The following PKP2 variants were observed in gnomAD, a reference collection of about 807,000 sequenced individuals.
PKP2 encodes the protein plakophilin-2.
PKP2 carries 73 observed loss-of-function variants against 83.4 expected under a neutral mutation model. The observed-to-expected ratio is 0.88, with a 90% confidence interval of 0.72 to 1.06. The LOEUF (loss-of-function observed/expected upper bound fraction) is 1.06, where lower values mean the gene tolerates loss of function less well. Among genes scored for constraint, PKP2 ranks in the 50% least tolerant of loss-of-function variants. The pLI is 0.00. For missense variants in PKP2, 966 were observed against 1,065.4 expected (o/e 0.91, Z 1.30); for synonymous variants, 409 against 430.4 (o/e 0.95, Z 0.62).
chr12:32,879,354 G>A (rs929206426), intron 1 of PKP2, among the ~76,000 whole-genome samples: 13 of 152,088 alleles, frequency 8.5e-5, no homozygotes, highest in African/African-American at 2.9e-4. Context: ...CCAACATGGC[G>A]AAACCCATCT....
intron 9 of PKP2, among the ~76,000 whole-genome samples, chr12:32,803,295 C>T (rs2137727699): frequency 6.6e-6 from 1 of 152,260 alleles, no homozygotes; most frequent in South Asian, 2.1e-4. Context: ...ATCGCTTGAA[C>T]CTGGGAGACA....
intron 6 of PKP2, among the ~76,000 whole-genome samples, chr12:32,840,482 G>A (rs1005688517): frequency 2.6e-5 from 4 of 151,646 alleles, no homozygotes; most frequent in African/African-American, 9.7e-5. Context: ...ATTTTTTTGT[G>A]GAGACAGGGT....
intron 5 of PKP2, among the ~76,000 whole-genome samples, chr12:32,848,453 C>T (rs1053186658): frequency 1.3e-5 from 2 of 152,020 alleles, no homozygotes; most frequent in Non-Finnish European, 2.9e-5. Flanking sequence ...GAGAGAGTAG[C>T]ATGGTACCTC....
chr12:32,843,497 G>T (rs1956619523), intron 5 of PKP2, among the ~76,000 whole-genome samples: 1 of 152,192 alleles, frequency 6.6e-6, no homozygotes, highest in East Asian at 1.9e-4. Context: ...GAACACATTA[G>T]GCTTCATGCA....
intron 1 of PKP2, among the ~76,000 whole-genome samples, chr12:32,885,255 C>G (rs558363158): frequency 1.3e-5 from 2 of 152,162 alleles, no homozygotes; most frequent in Non-Finnish European, 2.9e-5. Context: ...TCTGAGTGTT[C>G]ATTGGAATGA....
intron 9 of PKP2, among the ~76,000 whole-genome samples, chr12:32,804,196 A>G (rs1592730257): frequency 6.6e-6 from 1 of 152,310 alleles, no homozygotes; most frequent in East Asian, 1.9e-4. Context: ...ATGAAAAGCA[A>G]TTGAGGGACC....
At chr12:32,849,825 T>C (rs1251057971) in intron 5 of PKP2, among the ~76,000 whole-genome samples, 1 of 152,232 alleles carries the variant, frequency 6.6e-6, no homozygotes, top group Non-Finnish European at 1.5e-5. Context: ...AGTTACTCTT[T>C]TCTTCTTTAA....
chr12:32,838,028 C>T (rs138230114), intron 6 of PKP2, among the ~76,000 whole-genome samples: 5 of 152,210 alleles, frequency 3.3e-5, no homozygotes, highest in African/African-American at 4.8e-5. Context: ...AAGGCACATG[C>T]GCTCGCATGT....
At chr12:32,834,363 T>C (rs1956526751) in intron 6 of PKP2, among the ~76,000 whole-genome samples, 1 of 152,206 alleles carries the variant, frequency 6.6e-6, no homozygotes, top group Admixed American at 6.6e-5. Flanking sequence ...AGTGGCAGAA[T>C]ACCAAGAAGG....
chr12:32,792,024 T>G lies in PKP2; in HGVS notation c.*400A>C. Reference sequence around the variant, plus strand: ...CTGGAGGCCCAATGGCGAAGCAATGTGCACATGAGTGACAAAACATGGGAA... The same window carrying G: ...CTGGAGGCCCAATGGCGAAGCAATGGGCACATGAGTGACAAAACATGGGAA... On this transcript the variant is annotated 3_prime_UTR_variant, in exon 13 of 13. Coordinates refer to ENST00000340811, the MANE Select transcript of PKP2 (RefSeq NM_001005242.3). The G allele has an allele frequency of 3.2e-6, 1 of 313,574 alleles. No homozygotes were observed. 19.4% of individuals were successfully genotyped at this position (313,574 alleles called of 1,614,324 possible).
At chr12:32,862,145 C>T (rs1269036763) in intron 4 of PKP2, among the ~76,000 whole-genome samples, 1 of 152,164 alleles carries the variant, frequency 6.6e-6, no homozygotes, top group Admixed American at 6.5e-5. Flanking sequence ...GATCTGCCCG[C>T]CTCAGTCCTC....
At position 32,837,839 on chromosome 12, in the gene PKP2, ATTATTCTTC is replaced by A. The variant is rs1386502134; in HGVS notation, c.1556+3180_1556+3188del. ...ACAATACACCTTTCCTGTTAATACT[ATTATTCTTC>A]TTCTTCCCACAAAAATTATCATATC... On this transcript the variant is annotated intron_variant, in intron 6 of 12. Transcript: ENST00000340811. Among the ~76,000 whole-genome samples the A allele has an allele frequency of 1.7e-4, 26 of 152,224 alleles. No homozygotes were observed. In the East Asian group the frequency reaches 5.0e-3, roughly 29 times the overall value.
intron 9 of PKP2, among the ~76,000 whole-genome samples, chr12:32,808,557 C>G (rs1956246465): frequency 6.6e-6 from 1 of 152,196 alleles, no homozygotes; most frequent in Admixed American, 6.5e-5. Flanking sequence ...CATCGCAGTT[C>G]CGAGGCCTTG....
rs1182942058 is a variant in PKP2 at position 32,792,386 on chromosome 12, TG to T, written c.*37del. 6.7e-6 allele frequency: 10 copies of T among 1,493,030 alleles called. No homozygotes were observed. The highest frequency in any genetic ancestry group is 2.8e-5 in the African/African-American group (2 of 72,474). The allele number at this position is 1,493,030 out of a possible 1,614,324, so 92.5% of individuals were successfully genotyped here. On this transcript the variant is annotated 3_prime_UTR_variant, in exon 13 of 13. Transcript: ENST00000340811. ...TAGTAGAAAAATAGGTGTTTTCCTT[TG>T]GGGATTTTTGCAGCCGAGAATACTT...
At chr12:32,866,467 C>A (rs764311345) in intron 4 of PKP2, among the ~76,000 whole-genome samples, 18 of 140,826 alleles carry the variant, frequency 1.3e-4, no homozygotes, top group Non-Finnish European at 2.1e-4. Flanking sequence ...GGGAAGATCA[C>A]TTGAGCCCGA....
chr12:32,821,209 AC>A, intron 9 of PKP2, 146 bp downstream of exon 9: 1 of 745,778 alleles, frequency 1.3e-6, no homozygotes, highest in Non-Finnish European at 2.3e-6. Context: ...ATAAGCTGAG[AC>A]CGAAGCCCTC....
intron 10 of PKP2, among the ~76,000 whole-genome samples, chr12:32,796,513 G>A (rs1226640356): frequency 6.6e-6 from 1 of 152,068 alleles, no homozygotes; most frequent in Non-Finnish European, 1.5e-5. Context: ...CTCCCGAGTA[G>A]TTGGGACTAC....
chr12:32,882,034 CG>C (rs1459857047), intron 1 of PKP2, among the ~76,000 whole-genome samples: 4 of 152,066 alleles, frequency 2.6e-5, no homozygotes, highest in Non-Finnish European at 5.9e-5. Context: ...GGGAAGGGTT[CG>C]GGGTAGAGGG....
In PKP2 at chr12:32,793,613, C is replaced by CTTTTTTTTTTTTTTTT. The variant is rs35990527; in HGVS notation, c.2358-898_2358-883dup. Among the ~76,000 whole-genome samples, 8 of 76,730 alleles carry CTTTTTTTTTTTTTTTT rather than the reference C, an allele frequency of 1.0e-4. 1 individual carries two copies. Among genetic ancestry groups the CTTTTTTTTTTTTTTTT allele is most frequent in the African/African-American group, 2.9e-4 (5 of 17,394 alleles). The allele number at this position is 76,730 out of a possible 152,430, so 50.3% of individuals were successfully genotyped here. On this transcript the variant is annotated intron_variant, in intron 11 of 12. Transcript: ENST00000340811. The stretch of plus-strand genomic sequence containing the variant: ...ACTGTACTTAGTCTTTCATATTCTG[C>CTTTTTTTTTTTTTTTT]TTTTTTTTTTTTTTTTTTTTTTTTG...
Sources: allele counts gnomAD v4.1 joint callset (sites outside exome capture counted in the v4.1 genomes callset), GRCh38; gene constraint gnomAD v4.1.1; transcripts MANE v1.5; gene names NCBI Gene and HGNC (gene_info 2026-07-23, HGNC 2026-07-21).